CYP4A22: variants seen among roughly 807,000 people sequenced by gnomAD.
The protein encoded by CYP4A22 is cytochrome P450 4A22.
A neutral mutation model predicts 56.2 loss-of-function variants in CYP4A22; 46 were observed. The observed-to-expected ratio is 0.82, with a 90% CI of 0.65 to 1.05. The LOEUF is 1.05. Among genes scored for constraint, CYP4A22 ranks in the 50% least tolerant of loss-of-function variants. The pLI, the probability that CYP4A22 is intolerant of heterozygous loss-of-function variation, is 0.00. For missense variants in CYP4A22, 541 were observed against 645.9 expected (o/e 0.84, Z 1.76); for synonymous variants, 193 against 251.1 (o/e 0.77, Z 2.19).
Position 47,148,590 on chromosome 1 carries a change from C to T in CYP4A22, c.1365-12C>T, listed in dbSNP as rs372279107. 18 of 1,600,368 alleles carry T rather than the reference C, an allele frequency of 1.1e-5. No homozygotes were observed. Among genetic ancestry groups the T allele is most frequent in the South Asian group, 2.3e-5 (2 of 88,424 alleles). ...AGGACACGTCTCAATTCATTGTCTC[C>T]GCCTGGCCCAGGAACTGCATCGGGA... On this transcript the variant is annotated splice_polypyrimidine_tract_variant and intron_variant, in intron 11 of 11. Coordinates refer to ENST00000371891, the MANE Select transcript of CYP4A22 (RefSeq NM_001010969.4).
chr1:47,140,142 G>A (rs562128479), intron 1 of CYP4A22, among the ~76,000 whole-genome samples: 2 of 152,284 alleles, frequency 1.3e-5, no homozygotes, highest in South Asian at 4.2e-4. Context: ...ATAATTCATT[G>A]ATAAGTGAAA....
chr1:47,148,541 C>G (rs1645098886), intron 11 of CYP4A22, 61 bp from the exon 12 acceptor site: 1 of 1,534,210 alleles, frequency 6.5e-7, no homozygotes, highest in Middle Eastern at 1.8e-4. Flanking sequence ...GGGCCAAAAC[C>G]TGCTCAGATC....
intron 1 of CYP4A22, among the ~76,000 whole-genome samples, chr1:47,138,115 T>C (rs982666083): frequency 9.2e-5 from 14 of 151,832 alleles, no homozygotes; most frequent in Admixed American, 3.9e-4. Context: ...CCATGAGGAG[T>C]TCATGGTCTG....
chr1:47,140,939 T>A lies in CYP4A22; in HGVS notation c.337+18T>A. On this transcript the variant is annotated intron_variant, in intron 2 of 11. Coordinates refer to ENST00000371891, the MANE Select transcript of CYP4A22 (RefSeq NM_001010969.4). ...GAGATCAGGTGAGATCGAACCCCCA[T>A]CCCAACTGCAATTTCTCTTCCCTCT... is the stretch of plus-strand genomic sequence containing the variant. 4.3e-6 allele frequency: 7 copies of A among 1,612,906 alleles called. No homozygotes were observed. Among genetic ancestry groups the A allele is most frequent in the Non-Finnish European group, 5.1e-6 (6 of 1,179,570 alleles).
At chr1:47,137,838 T>C (rs1472587033) in intron 1 of CYP4A22, among the ~76,000 whole-genome samples, 158 bp downstream of exon 1, 1 of 152,180 alleles carries the variant, frequency 6.6e-6, no homozygotes, top group East Asian at 1.9e-4. Context: ...GTCCCAGTCA[T>C]GAGGAGCTCA....
chr1:47,145,170 G>T (rs2897183), intron 9 of CYP4A22, among the ~76,000 whole-genome samples, 200 bp downstream of exon 9: 1 of 152,236 alleles, frequency 6.6e-6, no homozygotes, highest in Non-Finnish European at 1.5e-5. Context: ...AGAAATAAAT[G>T]TTAATCTCTG....
chr1:47,148,171 C>G (rs1260718980), intron 11 of CYP4A22, among the ~76,000 whole-genome samples: 2 of 152,242 alleles, frequency 1.3e-5, no homozygotes, highest in African/African-American at 2.4e-5. Flanking sequence ...GTGTGTCCCA[C>G]TACGTGGGAA....
At position 47,143,820 on chromosome 1, in the gene CYP4A22, A is replaced by G. The variant is rs191687330; in HGVS notation, c.694A>G (p.Met232Val). The change falls in exon 6 of 12, where the codon ATG becomes GTG. Residue 232 changes from methionine (M) to valine (V), a missense_variant. Physicochemically the swap from Met to Val is conservative, Grantham distance 21. Transcript: ENST00000371891. ...CCTGAACAGCCTGGTTTTTTGCTGT[A>G]TGAGGAATGCCTTTCATGAGAATGA... is the stretch of plus-strand genomic sequence containing the variant. ...SDLNSLVFCCMRNAFHENDTI... is the reference protein window; with the variant it reads ...SDLNSLVFCCVRNAFHENDTI... The G allele has an allele frequency of 2.9e-5, 47 of 1,614,044 alleles. No individual in the cohort carries two copies. The East Asian group carries it at 6.5e-4, about 22-fold the overall frequency.
chr1:47,139,902 T>C (rs1479194397), intron 1 of CYP4A22, among the ~76,000 whole-genome samples: 1 of 152,156 alleles, frequency 6.6e-6, no homozygotes, highest in Non-Finnish European at 1.5e-5. Context: ...TGGAAGGGCA[T>C]TCAAGGTAGA....
At chr1:47,146,012 A>G in intron 10 of CYP4A22, 65 bp from the exon 11 acceptor site, 1 of 1,614,010 alleles carries the variant, frequency 6.2e-7, no homozygotes. Context: ...GGAGTACTGT[A>G]CCCTCATGGG....
intron 9 of CYP4A22, 138 bp downstream of exon 9, chr1:47,145,108 T>A: frequency 1.4e-6 from 2 of 1,410,010 alleles, no homozygotes; most frequent in Non-Finnish European, 1.9e-6. Flanking sequence ...TACTTTGTAT[T>A]TAGGATGAAT....
At chr1:47,143,728 C>A in intron 5 of CYP4A22, 34 bp from the exon 6 acceptor site, 4 of 1,573,720 alleles carry the variant, frequency 2.5e-6, no homozygotes, top group Non-Finnish European at 3.5e-6. Flanking sequence ...TGGGCCCACC[C>A]CTACTGCGGT....
intron 6 of CYP4A22, 116 bp from the exon 7 acceptor site, chr1:47,144,241 C>T: frequency 7.4e-7 from 1 of 1,345,820 alleles, no homozygotes; most frequent in Non-Finnish European, 1.0e-6. Flanking sequence ...CCTGCACCCA[C>T]ACTCACATTC....
intron 1 of CYP4A22, 95 bp downstream of exon 1, chr1:47,137,775 A>C: frequency 6.8e-7 from 1 of 1,477,622 alleles, no homozygotes; most frequent in Non-Finnish European, 9.0e-7. Context: ...CTTGTTTTGT[A>C]ACAAACGTGA....
rs570043566 is a variant in CYP4A22 at position 47,141,574 on chromosome 1, C to T, written c.341C>T (p.Pro114Leu). ...YMKVILGRSD[P>L]KSHGSYKFLA... is the part of the protein sequence containing the mutation. ...AAAGCCCTTTCTTACTTTTCAGACC[C>T]GAAATCCCATGGATCCTACAAATTC... The change falls in exon 3 of 12, where the codon CCG (proline) becomes CTG (leucine). Residue 114 changes from proline (P) to leucine (L), a missense_variant. Pro to Leu is a moderately conservative substitution (Grantham distance 98). Coordinates refer to ENST00000371891, the MANE Select transcript of CYP4A22 (RefSeq NM_001010969.4). 3.7e-5 allele frequency: 60 copies of T among 1,613,584 alleles called. No individual in the cohort carries two copies. Among genetic ancestry groups the T allele is most frequent in the South Asian group, 3.2e-4 (29 of 90,968 alleles).
chr1:47,144,126 G>T (rs1261913884), intron 6 of CYP4A22, among the ~76,000 whole-genome samples: 8 of 152,216 alleles, frequency 5.3e-5, no homozygotes, highest in Non-Finnish European at 1.2e-4. Context: ...GGAGATAACT[G>T]AATGAGACCC....
intron 1 of CYP4A22, among the ~76,000 whole-genome samples, chr1:47,138,106 C>T (rs1557644367): frequency 1.3e-5 from 2 of 152,066 alleles, no homozygotes; most frequent in African/African-American, 4.8e-5. Flanking sequence ...GACTCTGTGC[C>T]ATGAGGAGTT....
At chr1:47,148,571 C>T (rs572797876) in intron 11 of CYP4A22, 31 bp from the exon 12 acceptor site, 13 of 1,580,920 alleles carry the variant, frequency 8.2e-6, no homozygotes, top group African/African-American at 4.0e-5. Context: ...CCTGAGGACA[C>T]GTCTCAATTC....
At chr1:47,142,525 A>G (rs2056898) in intron 4 of CYP4A22, among the ~76,000 whole-genome samples, 36,000 of 152,114 alleles carry the variant, frequency 0.24, 4,734 homozygotes, top group East Asian at 0.54. Flanking sequence ...GACTGGAGGC[A>G]TATGCAATCT....
Sources: gnomAD v4.1 joint callset for allele counts (sites outside exome capture counted in the v4.1 genomes callset) on GRCh38, gnomAD v4.1.1 for gene constraint, MANE v1.5 for transcripts, NCBI Gene and HGNC (gene_info 2026-07-23, HGNC 2026-07-21) for gene names.